KCNAB2: variants seen among roughly 807,000 people sequenced by gnomAD.
The protein encoded by KCNAB2 is voltage-gated potassium channel subunit beta-2.
A neutral mutation model predicts 63.6 loss-of-function variants in KCNAB2; 29 were observed. The observed-to-expected ratio is 0.46, with a 90% confidence interval of 0.34 to 0.62. The LOEUF (loss-of-function observed/expected upper bound fraction) is 0.62. KCNAB2 is among the 20% of genes least tolerant of loss of function. The pLI is 0.01. For synonymous variants in KCNAB2, 222 were observed against 224.2 expected (o/e 0.99, Z 0.09); for missense variants, 359 against 563.9 (o/e 0.64, Z 3.68).
chr1:6,036,015 T>C (rs1034900768), intron 1 of KCNAB2: 5 of 152,438 alleles, frequency 3.3e-5, no homozygotes, highest in African/African-American at 1.2e-4. Flanking sequence ...TGGGCACCGC[T>C]GGACCTAGCA....
At chr1:6,085,930 TC>T (rs1664661076) in intron 6 of KCNAB2, 1 of 985,272 alleles carries the variant, frequency 1.0e-6, no homozygotes, top group Non-Finnish European at 1.2e-6. Flanking sequence ...CGGGGAGCGG[TC>T]CCCGGGTGTG....
At chr1:6,015,037 T>TG (rs1311047431) in intron 1 of KCNAB2, among the ~76,000 whole-genome samples, 37 of 134,778 alleles carry the variant, frequency 2.7e-4, no homozygotes, top group Non-Finnish European at 5.0e-4. Context: ...TTTTTTTTTT[T>TG]TTTTTGTTTT....
At chr1:6,014,015 G>T (rs886190181) in intron 1 of KCNAB2, among the ~76,000 whole-genome samples, 11 of 152,204 alleles carry the variant, frequency 7.2e-5, no homozygotes. Flanking sequence ...CCAAGCCTCA[G>T]TTTTCTCAGC....
intron 1 of KCNAB2, among the ~76,000 whole-genome samples, chr1:6,037,594 A>G (rs1660147630): frequency 6.6e-6 from 1 of 152,226 alleles, no homozygotes; most frequent in South Asian, 2.1e-4. Context: ...CCATGCAAGA[A>G]GAAATGCACT....
chr1:6,097,797 C>A, intron 15 of KCNAB2: 1 of 360,484 alleles, frequency 2.8e-6, no homozygotes, highest in Non-Finnish European at 5.0e-6. Context: ...AGGCCTGGAG[C>A]AGAGGGGCAG....
At chr1:6,042,762 G>A (rs562768308), upstream of KCNAB2, among the ~76,000 whole-genome samples, 54 of 151,858 alleles carry the variant, frequency 3.6e-4, no homozygotes, top group Admixed American at 7.9e-4. Context: ...TTTGGGGATC[G>A]TTGCCAATGT....
chr1:6,048,281 A>G (rs111423957), intron 1 of KCNAB2, among the ~76,000 whole-genome samples: 1,902 of 152,264 alleles, frequency 0.012, 43 homozygotes, highest in African/African-American at 0.043. Context: ...TTCTTTCCAC[A>G]GCATTTATCA....
At chr1:6,040,692 G>C (rs760166516) in intron 2 of KCNAB2, 3 of 1,260,898 alleles carry the variant, frequency 2.4e-6, no homozygotes, top group Non-Finnish European at 3.5e-6. Context: ...GGTCAGTCCT[G>C]CTTCGAGGAC....
chr1:6,082,840 T>C (rs1437933976), intron 5 of KCNAB2, among the ~76,000 whole-genome samples: 1 of 152,230 alleles, frequency 6.6e-6, no homozygotes, highest in Admixed American at 6.5e-5. Flanking sequence ...AAATCATTTG[T>C]TGGCCCTCTC....
intron 4 of KCNAB2, among the ~76,000 whole-genome samples, chr1:6,075,871 C>T (rs768583813): frequency 6.6e-6 from 1 of 152,230 alleles, no homozygotes; most frequent in Non-Finnish European, 1.5e-5. Context: ...GCTCTGCACC[C>T]TTAAACAACA....
At position 6,086,246 on chromosome 1, in the gene KCNAB2, C is replaced by T; in HGVS notation, c.425+998C>T. 1.0e-6 allele frequency: 1 copy of T among 983,992 alleles called. No homozygotes were observed. The allele number at this position is 983,992 out of a possible 1,614,324, so 61.0% of individuals were successfully genotyped here. ...ATCCCAGTGCCAAGGGGAGCCCCCGCCCCCTCCCCCATGGATTCCTGACAC... is the reference window on the plus strand; with the variant it reads ...ATCCCAGTGCCAAGGGGAGCCCCCGTCCCCTCCCCCATGGATTCCTGACAC... On this transcript the variant is annotated intron_variant, in intron 6 of 15. Coordinates refer to ENST00000378083, the MANE Select transcript of KCNAB2 (RefSeq NM_001199862.2). The surrounding 1 kb of genome is among the most constrained non-coding windows in gnomAD (Gnocchi z 4.2).
chr1:6,052,934 C>T (rs1378487842), intron 2 of KCNAB2, among the ~76,000 whole-genome samples: 5 of 152,140 alleles, frequency 3.3e-5, no homozygotes, highest in African/African-American at 4.8e-5. Flanking sequence ...ATCTGGCTTC[C>T]GTCTGAGACA....
chr1:6,054,280 T>A (rs1269411442), intron 2 of KCNAB2, among the ~76,000 whole-genome samples: 1 of 152,068 alleles, frequency 6.6e-6, no homozygotes, highest in Non-Finnish European at 1.5e-5. Context: ...GCCAGGTTCC[T>A]GGCATCTTGA....
intron 15 of KCNAB2, chr1:6,097,918 T>C: frequency 5.5e-6 from 1 of 180,210 alleles, no homozygotes; most frequent in Non-Finnish European, 1.1e-5. Flanking sequence ...GGGAGGCTGC[T>C]CTCCGGCTGC....
intron 1 of KCNAB2, among the ~76,000 whole-genome samples, chr1:6,039,668 G>A (rs987663389): frequency 1.3e-5 from 2 of 152,168 alleles, no homozygotes; most frequent in African/African-American, 4.8e-5. Flanking sequence ...CGAGGTTCTT[G>A]CCGGGACTGG....
upstream of KCNAB2, among the ~76,000 whole-genome samples, chr1:6,044,330 T>C (rs1294234889): frequency 3.9e-5 from 6 of 152,068 alleles, no homozygotes; most frequent in Admixed American, 3.9e-4. Flanking sequence ...CCAAAGAGCA[T>C]TTGGGGTCCA....
upstream of KCNAB2, among the ~76,000 whole-genome samples, chr1:6,044,911 G>A (rs564896501): frequency 6.6e-6 from 1 of 152,268 alleles, no homozygotes; most frequent in South Asian, 2.1e-4. Flanking sequence ...ACAGAGAGGA[G>A]CAGTGGACCC....
chr1:6,070,252 A>G (rs1219935806), intron 2 of KCNAB2, among the ~76,000 whole-genome samples: 1 of 152,194 alleles, frequency 6.6e-6, no homozygotes, highest in Non-Finnish European at 1.5e-5. Context: ...TGTTTTTGCA[A>G]AGGGGTTATG....
upstream of KCNAB2, among the ~76,000 whole-genome samples, chr1:6,033,344 T>G (rs1050530560): frequency 1.3e-5 from 2 of 151,038 alleles, no homozygotes; most frequent in Non-Finnish European, 1.5e-5. Context: ...TGTGCATGTG[T>G]GTGTGTGCGT....
Sources: allele counts gnomAD v4.1 joint callset (sites outside exome capture counted in the v4.1 genomes callset), GRCh38; gene constraint gnomAD v4.1.1; non-coding constraint Gnocchi (gnomAD v3.1); transcripts MANE v1.5; gene names NCBI Gene and HGNC (gene_info 2026-07-23, HGNC 2026-07-21).